CFTR: variants seen among roughly 807,000 people sequenced by gnomAD.
CFTR encodes the protein cystic fibrosis transmembrane conductance regulator.
Under a neutral mutation model 171.6 loss-of-function variants are expected in CFTR, and 181 were observed. The observed-to-expected ratio is 1.05, with a 90% CI of 0.93 to 1.19. The LOEUF is 1.19. CFTR is among the 50% of genes most tolerant of loss of function. CFTR has a pLI of 0.00. For missense variants in CFTR, 1,968 were observed against 1,734.7 expected, an observed-to-expected ratio of 1.13 and a Z score of -2.39; for synonymous variants, 583 against 608.0, an observed-to-expected ratio of 0.96 and a Z score of 0.60.
At chr7:117,612,057 A>G (rs953140585) in intron 20 of CFTR, among the ~76,000 whole-genome samples, 9 of 94,758 alleles carry the variant, frequency 9.5e-5, no homozygotes, top group East Asian at 7.2e-4. Context: ...ATATATACAT[A>G]TATATATATA....
chr7:117,659,209 T>C (rs918952334), intron 24 of CFTR, among the ~76,000 whole-genome samples: 1 of 152,108 alleles, frequency 6.6e-6, no homozygotes, highest in Non-Finnish European at 1.5e-5. Context: ...ACACATCACT[T>C]CTTTCCAAAA....
At chr7:117,539,945 C>G (rs1400907118) in intron 7 of CFTR, among the ~76,000 whole-genome samples, 155 bp from the exon 8 acceptor site, 1 of 151,982 alleles carries the variant, frequency 6.6e-6, no homozygotes, top group South Asian at 2.1e-4. Flanking sequence ...GATTAAATAA[C>G]ATGCCCAAGG....
At chr7:117,564,236 T>C (rs1211255881) in intron 11 of CFTR, among the ~76,000 whole-genome samples, 2 of 152,200 alleles carry the variant, frequency 1.3e-5, no homozygotes, top group African/African-American at 2.4e-5. Flanking sequence ...GTCTCAGACA[T>C]TGAGCAGATG....
At chr7:117,653,101 C>A (rs1793113073) in intron 24 of CFTR, among the ~76,000 whole-genome samples, 170 bp downstream of exon 24, 3 of 151,428 alleles carry the variant, frequency 2.0e-5, no homozygotes, top group South Asian at 2.1e-4. Flanking sequence ...CTGGACCTAC[C>A]CCTAACTGAA....
At chr7:117,530,051 G>A (rs113662424) in intron 3 of CFTR, among the ~76,000 whole-genome samples, 2,966 of 152,274 alleles carry the variant, frequency 0.019, 22 homozygotes, top group Middle Eastern at 0.037. Context: ...ATATTCAGGA[G>A]AAGTGGTAAT....
At chr7:117,565,964 C>T (rs1270166376) in intron 11 of CFTR, among the ~76,000 whole-genome samples, 2 of 152,082 alleles carry the variant, frequency 1.3e-5, no homozygotes, top group African/African-American at 4.8e-5. Flanking sequence ...AATTTGACCT[C>T]CTGCTTTCCA....
At chr7:117,620,960 A>G (rs1422366514) in intron 21 of CFTR, among the ~76,000 whole-genome samples, 3 of 152,142 alleles carry the variant, frequency 2.0e-5, no homozygotes, top group Non-Finnish European at 4.4e-5. Flanking sequence ...TTCAAAAATT[A>G]GCCAGGCATG....
chr7:117,497,919 T>A (rs2116626742), intron 1 of CFTR, among the ~76,000 whole-genome samples: 1 of 152,172 alleles, frequency 6.6e-6, no homozygotes, highest in East Asian at 1.9e-4. Context: ...TGTTAAACAT[T>A]AGAGAATATA....
intron 23 of CFTR, among the ~76,000 whole-genome samples, chr7:117,647,171 A>T (rs1793006287): frequency 6.6e-6 from 1 of 151,924 alleles, no homozygotes; most frequent in Non-Finnish European, 1.5e-5. Flanking sequence ...ACTGTCACCT[A>T]GACTTGAGTG....
At chr7:117,651,572 C>G (rs1793091005) in intron 23 of CFTR, among the ~76,000 whole-genome samples, 1 of 152,152 alleles carries the variant, frequency 6.6e-6, no homozygotes, top group Non-Finnish European at 1.5e-5. Context: ...ATATACTCAT[C>G]TCTTATATTC....
rs1420428466 is a variant in CFTR at position 117,627,688 on chromosome 7, T to C, written c.3635T>C (p.Val1212Ala). The C allele has an allele frequency of 6.2e-7, 1 of 1,613,150 alleles. No homozygotes were observed. Among genetic ancestry groups the C allele is most frequent in the Admixed American group, 1.7e-5 (1 of 59,926 alleles). The change falls in exon 22 of 27, where the codon GTC becomes GCC. Residue 1212 changes from valine to alanine, a missense_variant. Physicochemically the swap from Val to Ala is moderately conservative, Grantham distance 64. Transcript: ENST00000003084. ...TGGCCCTCAGGGGGCCAAATGACTG[T>C]CAAAGATCTCACAGCAAAATACACA... ...DIWPSGGQMT[V>A]KDLTAKYTEG...
chr7:117,542,558 A>G (rs1473699125), intron 9 of CFTR, among the ~76,000 whole-genome samples: 6 of 152,140 alleles, frequency 3.9e-5, no homozygotes, highest in Non-Finnish European at 8.8e-5. Context: ...AAAAGAAAAA[A>G]AAATAAAAAT....
intron 15 of CFTR, among the ~76,000 whole-genome samples, chr7:117,598,072 G>T (rs541009562): frequency 6.6e-6 from 1 of 152,314 alleles, no homozygotes; most frequent in South Asian, 2.1e-4. Flanking sequence ...CTTCCCATGA[G>T]GGAACTGGGG....
chr7:117,501,940 T>C (rs1798339490), intron 1 of CFTR, among the ~76,000 whole-genome samples: 1 of 152,236 alleles, frequency 6.6e-6, no homozygotes, highest in South Asian at 2.1e-4. Context: ...TATATTCTAA[T>C]ATGCAACTGT....
At chr7:117,613,999 CTTTTTTTTT>C (rs752774658) in intron 20 of CFTR, among the ~76,000 whole-genome samples, 2 of 72,476 alleles carry the variant, frequency 2.8e-5, no homozygotes, top group South Asian at 5.8e-4. Flanking sequence ...GTACAGTAAT[CTTTTTTTTT>C]TTTTTTTTTT....
intron 7 of CFTR, 83 bp downstream of exon 7, chr7:117,536,756 C>T (rs1481451826): frequency 5.2e-6 from 6 of 1,143,024 alleles, no homozygotes; most frequent in South Asian, 1.3e-5. Flanking sequence ...TAGACTTCCA[C>T]CTCATATTTG....
rs35547336 is a variant in CFTR at position 117,535,856 on chromosome 7, T to C, written c.743+445T>C. ...GCCTAAAAAATACTTTTTAAGATGG[T>C]GTAAATATTACTTTCTGTATCAATG... On this transcript the variant is annotated intron_variant, in intron 6 of 26. Coordinates refer to ENST00000003084, the MANE Select transcript of CFTR (RefSeq NM_000492.4). Among the ~76,000 whole-genome samples the C allele has an allele frequency of 4.6e-5, 7 of 152,260 alleles. No homozygotes were observed. The East Asian group carries it at 1.4e-3, about 29-fold the overall frequency.
At chr7:117,552,876 C>A (rs1048122272) in intron 10 of CFTR, among the ~76,000 whole-genome samples, 1 of 152,144 alleles carries the variant, frequency 6.6e-6, no homozygotes, top group African/African-American at 2.4e-5. Flanking sequence ...CTCTCCCCTG[C>A]CATTCATATG....
chr7:117,534,341 C>T lies in CFTR; in HGVS notation c.555C>T (p.Ser185=). The change falls in exon 5 of 27, where the codon TCC becomes TCT. Residue 185 remains serine (S), a synonymous_variant. Coordinates refer to ENST00000003084, the MANE Select transcript of CFTR (RefSeq NM_000492.4). The stretch of plus-strand genomic sequence containing the variant: ...TTGGACAACTTGTTAGTCTCCTTTC[C>T]AACAACCTGAACAAATTTGATGAAG... ...ISIGQLVSLL[S]NNLNKFDEGL... 6.3e-7 allele frequency: 1 copy of T among 1,593,838 alleles called. No individual in the cohort carries two copies.
Sources: allele counts gnomAD v4.1 joint callset (sites outside exome capture counted in the v4.1 genomes callset), GRCh38; gene constraint gnomAD v4.1.1; transcripts MANE v1.5; gene names NCBI Gene and HGNC (gene_info 2026-07-23, HGNC 2026-07-21).